Variants in PLEKHG1 observed in about 807,000 individuals in gnomAD.
PLEKHG1 encodes the protein pleckstrin homology and RhoGEF domain containing G1.
A neutral mutation model predicts 100.8 loss-of-function variants in PLEKHG1; 44 were observed. That is an observed-to-expected ratio of 0.44 (90% CI 0.34 to 0.56). PLEKHG1 has a LOEUF of 0.56. Among genes scored for constraint, PLEKHG1 ranks in the 20% least tolerant of loss-of-function variants. The pLI is 0.01. For synonymous variants in PLEKHG1, 640 were observed against 662.5 expected (o/e 0.97, Z 0.52); for missense variants, 1,545 against 1,720.9 (o/e 0.90, Z 1.81).
chr6:150,727,710 C>A (rs1782032781), intron 1 of PLEKHG1, among the ~76,000 whole-genome samples: 2 of 152,214 alleles, frequency 1.3e-5, no homozygotes, highest in South Asian at 2.1e-4. Flanking sequence ...CTTCCACCCC[C>A]ACCACCTCCA....
At position 150,760,811 on chromosome 6, in the gene PLEKHG1, T is replaced by C. The variant is rs555836584; in HGVS notation, c.412-7827T>C. On this transcript the variant is annotated intron_variant, in intron 2 of 15. Transcript: ENST00000358517. ...GAAGCACTTTGGCATATGAGAACGT[T>C]GTCAATGTAATTTGGAAACTGCAAT... 3.3e-5 allele frequency among the ~76,000 whole-genome samples: 5 copies of C among 152,266 alleles called. No homozygotes were observed. In the East Asian group the frequency reaches 7.7e-4, roughly 23 times the overall value.
chr6:150,643,060 G>A (rs372817328), intron 2 of PLEKHG1, among the ~76,000 whole-genome samples: 3 of 152,144 alleles, frequency 2.0e-5, no homozygotes. Flanking sequence ...TTAAGAGGCC[G>A]TCTTTGCTGT....
At chr6:150,625,837 T>A (rs1400201334) in intron 1 of PLEKHG1, 2 of 152,178 alleles carry the variant, frequency 1.3e-5, no homozygotes, top group African/African-American at 4.8e-5. Flanking sequence ...TAAAGTTACA[T>A]TCTCATTTAC....
exon 16 of PLEKHG1, chr6:150,840,523 C>T (rs1471085330): frequency 6.2e-7 from 1 of 1,614,040 alleles, no homozygotes; most frequent in East Asian, 2.2e-5. Context: ...GCCCAAATTG[C>T]AACACAGAAT....
chr6:150,828,654 G>T (rs1402441697), intron 14 of PLEKHG1, among the ~76,000 whole-genome samples: 1 of 151,490 alleles, frequency 6.6e-6, no homozygotes, highest in Admixed American at 6.6e-5. Flanking sequence ...AACAATTCAG[G>T]TTTCCTAATT....
At chr6:150,817,554 A>ATTTTTTT (rs774464059) in intron 10 of PLEKHG1, among the ~76,000 whole-genome samples, 1 of 115,570 alleles carries the variant, frequency 8.7e-6, no homozygotes, top group African/African-American at 3.6e-5. Flanking sequence ...AAGAATCTGC[A>ATTTTTTT]TTTTTTTTTT....
exon 11 of PLEKHG1, chr6:150,818,212 C>T (rs1270372059): frequency 1.2e-6 from 2 of 1,600,818 alleles, no homozygotes; most frequent in East Asian, 2.2e-5. Context: ...AAATGGATGC[C>T]ATTCGTAAGT....
intron 3 of PLEKHG1, among the ~76,000 whole-genome samples, chr6:150,694,090 T>TTATAAGAACC (rs1179490775): frequency 1.3e-5 from 2 of 152,366 alleles, no homozygotes; most frequent in East Asian, 3.9e-4. Context: ...TGGATCTAGT[T>TTATAAGAACC]TATAAGAACC....
chr6:150,783,289 G>C (rs976942188), intron 3 of PLEKHG1, among the ~76,000 whole-genome samples: 2 of 151,714 alleles, frequency 1.3e-5, no homozygotes, highest in Non-Finnish European at 2.9e-5. Flanking sequence ...TATTAGACCA[G>C]GAGATCCAAT....
At chr6:150,697,942 G>C (rs1265416046) in intron 3 of PLEKHG1, among the ~76,000 whole-genome samples, 1 of 28,856 alleles carries the variant, frequency 3.5e-5, no homozygotes, top group East Asian at 1.5e-3. Flanking sequence ...TTTTTTTGTT[G>C]TTGGGTTTTT....
At chr6:150,681,626 A>T (rs190704304) in intron 3 of PLEKHG1, among the ~76,000 whole-genome samples, 15 of 152,084 alleles carry the variant, frequency 9.9e-5, no homozygotes, top group African/African-American at 3.1e-4. Context: ...AGATGATTCC[A>T]CATCCTCCAA....
In PLEKHG1 at chr6:150,827,544, G is replaced by A. The variant is rs1776682648; in HGVS notation, c.1471-3038G>A. 6.7e-6 allele frequency: 4 copies of A among 593,370 alleles called. No individual in the cohort carries two copies. In the East Asian group the frequency reaches 1.2e-4, roughly 18 times the overall value. 36.8% of individuals were successfully genotyped at this position (593,370 alleles called of 1,614,324 possible). ...GCCCGCCTCTGCCTTCCAAAGTGCTGGGATTACAGGCGTGAGCCACTGTGC... is the reference window on the plus strand; with the variant it reads ...GCCCGCCTCTGCCTTCCAAAGTGCTAGGATTACAGGCGTGAGCCACTGTGC... On this transcript the variant is annotated intron_variant, in intron 14 of 15. Coordinates refer to ENST00000358517, the Ensembl canonical transcript of PLEKHG1.
intron 3 of PLEKHG1, among the ~76,000 whole-genome samples, chr6:150,703,285 AAATAT>A (rs576658899): frequency 2.6e-5 from 4 of 152,118 alleles, no homozygotes; most frequent in Non-Finnish European, 5.9e-5. Flanking sequence ...TTAATACTTA[AAATAT>A]AATTTTATTC....
At chr6:150,713,549 C>T (rs1781314876) in intron 3 of PLEKHG1, among the ~76,000 whole-genome samples, 1 of 152,060 alleles carries the variant, frequency 6.6e-6, no homozygotes, top group African/African-American at 2.4e-5. Flanking sequence ...TTGAACGTAG[C>T]CTTAGGAGTG....
rs1430742549 is a variant in PLEKHG1 at position 150,782,107 on chromosome 6, G to T, written c.513-4283G>T. Among the ~76,000 whole-genome samples, 5 of 152,062 alleles carry T rather than the reference G, an allele frequency of 3.3e-5. No homozygotes were observed. In the East Asian group the frequency reaches 9.8e-4, roughly 30 times the overall value. On this transcript the variant is annotated intron_variant, in intron 3 of 15. Transcript: ENST00000358517. ...AAGATCCTTTCTAAGTGCAAGATAG[G>T]CCAGTGGATTTTAAAGTAATGGTAC...
intron 3 of PLEKHG1, among the ~76,000 whole-genome samples, chr6:150,690,700 G>A (rs917837545): frequency 6.6e-6 from 1 of 152,150 alleles, no homozygotes; most frequent in Non-Finnish European, 1.5e-5. Context: ...AATTATCATA[G>A]GATGTCTTTA....
At chr6:150,764,117 C>CTTTTTTTTTTTTTTTT (rs67507838) in intron 2 of PLEKHG1, among the ~76,000 whole-genome samples, 1 of 145,718 alleles carries the variant, frequency 6.9e-6, no homozygotes, top group Non-Finnish European at 1.5e-5. Context: ...TTTTCTTTTT[C>CTTTTTTTTTTTTTTTT]TTTTTCTTTT....
At chr6:150,817,089 G>A (rs752983214) in intron 10 of PLEKHG1, among the ~76,000 whole-genome samples, 4 of 152,150 alleles carry the variant, frequency 2.6e-5, no homozygotes, top group Non-Finnish European at 4.4e-5. Context: ...AACAGGCTAC[G>A]AACTAGTACT....
At chr6:150,736,558 C>T (rs577517817) in intron 2 of PLEKHG1, among the ~76,000 whole-genome samples, 18 of 152,218 alleles carry the variant, frequency 1.2e-4, no homozygotes, top group Admixed American at 5.9e-4. Context: ...CACCTGAGGT[C>T]GGGAGTTCGA....
Sources: gnomAD v4.1 joint callset for allele counts (sites outside exome capture counted in the v4.1 genomes callset) on GRCh38, gnomAD v4.1.1 for gene constraint, MANE v1.5 for transcripts, NCBI Gene and HGNC (gene_info 2026-07-23, HGNC 2026-07-21) for gene names.